Variants in ADAMTS6 observed in about 807,000 individuals in gnomAD.
ADAMTS6 encodes the protein ADAM metallopeptidase with thrombospondin type 1 motif 6, also known as A disintegrin and metalloproteinase with thrombospondin motifs 6.
In ADAMTS6, 23 loss-of-function variants were observed where a neutral mutation model predicts 144.3. That is an observed-to-expected ratio of 0.16 (90% CI 0.11 to 0.23). The LOEUF (loss-of-function observed/expected upper bound fraction) is 0.23. Ranked by LOEUF, ADAMTS6 falls within the 10% of genes least tolerant of loss-of-function variation. The probability of loss-of-function intolerance (pLI) is 1.00; values close to 1 mark genes in which losing one functional copy is unlikely to be tolerated. For synonymous variants in ADAMTS6, 444 were observed against 457.5 expected (o/e 0.97, Z 0.38); for missense variants, 999 against 1,379.6 (o/e 0.72, Z 4.37).
intron 11 of ADAMTS6, among the ~76,000 whole-genome samples, chr5:65,282,534 A>G (rs1191745596): frequency 1.3e-5 from 2 of 152,132 alleles, no homozygotes; most frequent in East Asian, 1.9e-4. Context: ...GGGGATTCTC[A>G]GCAGAATGTG....
At chr5:65,425,750 T>G (rs1756452604) in intron 7 of ADAMTS6, among the ~76,000 whole-genome samples, 1 of 152,046 alleles carries the variant, frequency 6.6e-6, no homozygotes, top group Non-Finnish European at 1.5e-5. Context: ...ATTGCATGAC[T>G]TCAAGTAGTG....
chr5:65,172,701 T>C, intron 23 of ADAMTS6, 131 bp downstream of exon 23: 1 of 1,070,716 alleles, frequency 9.3e-7, no homozygotes, highest in East Asian at 2.5e-5. Flanking sequence ...TTCACACTCA[T>C]GCCTCATACT....
chr5:65,338,677 G>C (rs1238834266), intron 7 of ADAMTS6, among the ~76,000 whole-genome samples: 1 of 151,938 alleles, frequency 6.6e-6, no homozygotes, highest in Non-Finnish European at 1.5e-5. Flanking sequence ...CCTGAGCCCA[G>C]AGCCAGGAAT....
chr5:65,177,024 C>T (rs1754021322), intron 22 of ADAMTS6, among the ~76,000 whole-genome samples: 1 of 152,124 alleles, frequency 6.6e-6, no homozygotes, highest in Non-Finnish European at 1.5e-5. Context: ...AGCACAGGTA[C>T]CACCCCTAGA....
At chr5:65,480,812 G>A (rs1209547936) in intron 1 of ADAMTS6, among the ~76,000 whole-genome samples, 1 of 152,130 alleles carries the variant, frequency 6.6e-6, no homozygotes, top group African/African-American at 2.4e-5. Flanking sequence ...TCTTTGATTA[G>A]CCTATTAAGA....
chr5:65,265,297 C>A (rs953801522), intron 12 of ADAMTS6, among the ~76,000 whole-genome samples: 1 of 152,034 alleles, frequency 6.6e-6, no homozygotes, highest in African/African-American at 2.4e-5. Context: ...ATAGTATCAA[C>A]CCTGTGATCA....
intron 21 of ADAMTS6, among the ~76,000 whole-genome samples, chr5:65,189,425 T>TGGC (rs1490325480): frequency 6.6e-6 from 1 of 152,200 alleles, no homozygotes; most frequent in Non-Finnish European, 1.5e-5. Context: ...AGAGCTGCAG[T>TGGC]GGCTGGGTTC....
intron 22 of ADAMTS6, 100 bp downstream of exon 22, chr5:65,187,916 G>T: frequency 1.7e-6 from 2 of 1,205,024 alleles, no homozygotes; most frequent in Non-Finnish European, 2.4e-6. Context: ...GCCCTTACTT[G>T]TTGAGTTCTA....
intron 15 of ADAMTS6, among the ~76,000 whole-genome samples, chr5:65,228,710 C>T (rs148187775): frequency 6.6e-6 from 1 of 152,212 alleles, no homozygotes; most frequent in Admixed American, 6.5e-5. Context: ...TGCCACCCTC[C>T]CCAGCCTTTG....
At chr5:65,157,012 G>T (rs763295103) in intron 24 of ADAMTS6, among the ~76,000 whole-genome samples, 6 of 152,196 alleles carry the variant, frequency 3.9e-5, no homozygotes, top group Non-Finnish European at 5.9e-5. Context: ...ACTTCTGGTG[G>T]GAATGACTTT....
chr5:65,447,282 T>A (rs541074119), intron 7 of ADAMTS6, among the ~76,000 whole-genome samples: 9 of 152,262 alleles, frequency 5.9e-5, no homozygotes, highest in Non-Finnish European at 1.2e-4. Context: ...TCTGAAAATT[T>A]AATTAAATTA....
At chr5:65,317,856 G>C (rs190597768) in intron 9 of ADAMTS6, among the ~76,000 whole-genome samples, 1 of 151,882 alleles carries the variant, frequency 6.6e-6, no homozygotes, top group Non-Finnish European at 1.5e-5. Context: ...GGTGGATCAC[G>C]AGGTCAGGAG....
intron 9 of ADAMTS6, among the ~76,000 whole-genome samples, chr5:65,316,808 AT>A (rs147926746): frequency 0.28 from 41,262 of 149,308 alleles, 6,453 homozygotes; most frequent in South Asian, 0.39. Context: ...CATAATAATC[AT>A]TTTTTTTTTT....
intron 7 of ADAMTS6, among the ~76,000 whole-genome samples, chr5:65,448,787 C>T (rs530127141): frequency 6.6e-6 from 1 of 152,178 alleles, no homozygotes; most frequent in South Asian, 2.1e-4. Flanking sequence ...TACATTCTCC[C>T]TAGTAAGGTG....
chr5:65,451,547 G>A lies in ADAMTS6; in HGVS notation c.1001C>T (p.Ser334Phe), dbSNP rs1427449485. The change falls in exon 7 of 25, where the codon TCC (serine) becomes TTC (phenylalanine). Residue 334 changes from serine to phenylalanine, a missense_variant. By Grantham distance (155) the Ser-to-Phe change is radical (BLOSUM62 -2). Coordinates refer to ENST00000381055, the MANE Select transcript of ADAMTS6 (RefSeq NM_197941.4). The stretch of plus-strand genomic sequence containing the variant: ...AATGGTGTTTCCATCACTTTGGTGG[G>A]AGAGAATGGATTTCTGCCATTTACA... ...SFCKWQKSIL[S>F]HQSDGNTIPE... 1.3e-5 allele frequency: 21 copies of A among 1,613,412 alleles called. No homozygotes were observed. The highest frequency in any genetic ancestry group is 1.8e-5 in the Non-Finnish European group (21 of 1,179,740).
At chr5:65,306,559 G>A (rs1313168225) in intron 9 of ADAMTS6, among the ~76,000 whole-genome samples, 1 of 152,156 alleles carries the variant, frequency 6.6e-6, no homozygotes, top group Non-Finnish European at 1.5e-5. Context: ...ACTGCTCTAG[G>A]ATAGATGTGC....
At chr5:65,375,322 A>C (rs373588518) in intron 7 of ADAMTS6, among the ~76,000 whole-genome samples, 18,673 of 151,210 alleles carry the variant, frequency 0.12, 1,263 homozygotes, top group African/African-American at 0.18. Flanking sequence ...AGTGAACAGG[A>C]AACCTACAAA....
At chr5:65,192,128 G>C (rs1436336636) in intron 21 of ADAMTS6, among the ~76,000 whole-genome samples, 1 of 151,888 alleles carries the variant, frequency 6.6e-6, no homozygotes, top group South Asian at 2.1e-4. Context: ...TCAGAATAAT[G>C]GTTATTAAAC....
At position 65,439,143 on chromosome 5, in the gene ADAMTS6, T is replaced by A. The variant is rs536377667; in HGVS notation, c.1073+12332A>T. Among the ~76,000 whole-genome samples, 2 of 151,660 alleles carry A rather than the reference T, an allele frequency of 1.3e-5. 1 individual carries two copies. The highest frequency in any genetic ancestry group is 4.8e-5 in the African/African-American group (2 of 41,310). ...GAAAGGAAACCTCCAAATCTGTATT[T>A]TTTTAGAAGTGTGAGTCCATATTTA... On this transcript the variant is annotated intron_variant, in intron 7 of 24. Coordinates refer to ENST00000381055, the MANE Select transcript of ADAMTS6 (RefSeq NM_197941.4).
Sources: gnomAD v4.1 joint callset for allele counts (sites outside exome capture counted in the v4.1 genomes callset) on GRCh38, gnomAD v4.1.1 for gene constraint, MANE v1.5 for transcripts, NCBI Gene and HGNC (gene_info 2026-07-23, HGNC 2026-07-21) for gene names.